The following MTHFD2L variants were observed in gnomAD, a reference collection of about 807,000 sequenced individuals.
MTHFD2L encodes methylenetetrahydrofolate dehydrogenase (NADP+ dependent) 2 like, also known as bifunctional methylenetetrahydrofolate dehydrogenase/cyclohydrolase 2, mitochondrial.
In MTHFD2L, 29 loss-of-function variants were observed where a neutral mutation model predicts 34.9. That is an observed-to-expected ratio of 0.83 (90% CI 0.62 to 1.13). The LOEUF is 1.13. MTHFD2L is among the 50% of genes most tolerant of loss of function. The pLI is 0.00. For synonymous variants in MTHFD2L, 167 were observed against 155.7 expected, an observed-to-expected ratio of 1.07 and a Z score of -0.54; for missense variants, 481 against 446.5, an observed-to-expected ratio of 1.08 and a Z score of -0.70.
chr4:74,233,391 A>T (rs758008973), intron 6 of MTHFD2L, among the ~76,000 whole-genome samples: 1 of 152,126 alleles, frequency 6.6e-6, no homozygotes, highest in African/African-American at 2.4e-5. Context: ...AATCACATCT[A>T]ACTCTCTGGG....
chr4:74,298,039 C>T (rs1311045396), intron 7 of MTHFD2L, among the ~76,000 whole-genome samples: 1 of 151,982 alleles, frequency 6.6e-6, no homozygotes, highest in Non-Finnish European at 1.5e-5. Flanking sequence ...TTCTCAGACA[C>T]AGATACTCAT....
At chr4:74,239,168 A>T (rs1444488717) in intron 6 of MTHFD2L, among the ~76,000 whole-genome samples, 1 of 152,206 alleles carries the variant, frequency 6.6e-6, no homozygotes, top group Admixed American at 6.5e-5. Context: ...GAAAAGGATG[A>T]GTTCATGTCC....
intron 1 of MTHFD2L, among the ~76,000 whole-genome samples, chr4:74,134,469 C>T (rs1322611510): frequency 6.6e-6 from 1 of 152,052 alleles, no homozygotes; most frequent in Non-Finnish European, 1.5e-5. Flanking sequence ...AGGCAGCAAG[C>T]TGGCAGTTAA....
intron 3 of MTHFD2L, chr4:74,195,169 TTGAGA>T: frequency 6.6e-6 from 1 of 152,310 alleles, no homozygotes; most frequent in South Asian, 2.1e-4. Flanking sequence ...TGCTCACAGA[TTGAGA>T]GAAGACGAGA....
chr4:74,261,212 A>G (rs1422825082), intron 6 of MTHFD2L, among the ~76,000 whole-genome samples: 1 of 152,080 alleles, frequency 6.6e-6, no homozygotes, highest in African/African-American at 2.4e-5. Context: ...CTTTGAAGGT[A>G]TGATAGTTTA....
chr4:74,152,216 C>T (rs939146164), intron 1 of MTHFD2L, among the ~76,000 whole-genome samples: 1 of 151,576 alleles, frequency 6.6e-6, no homozygotes, highest in Admixed American at 6.6e-5. Flanking sequence ...AATAAAAATA[C>T]CTGGGAAATT....
intron 6 of MTHFD2L, among the ~76,000 whole-genome samples, chr4:74,232,217 T>C (rs1484150267): frequency 6.6e-6 from 1 of 152,194 alleles, no homozygotes; most frequent in Non-Finnish European, 1.5e-5. Flanking sequence ...GGACCAACTT[T>C]ATGGAAACTT....
At position 74,302,394 on chromosome 4, in the gene MTHFD2L, G is replaced by T. The variant is rs1290401603; in HGVS notation, c.*585G>T. On this transcript the variant is annotated 3_prime_UTR_variant, in exon 8 of 8. Coordinates refer to ENST00000325278, the MANE Select transcript of MTHFD2L (RefSeq NM_001144978.3). ...AATGAGAAATGATGTTCTATTTAAG[G>T]AAAGGAAAATATTCCGGGAAGGCAA... 6.6e-6 allele frequency: 1 copy of T among 151,940 alleles called. No individual in the cohort carries two copies. Among genetic ancestry groups the T allele is most frequent in the South Asian group, 2.1e-4 (1 of 4,816 alleles). 9.4% of individuals were successfully genotyped at this position (151,940 alleles called of 1,614,324 possible).
chr4:74,278,449 A>G (rs16850818), intron 6 of MTHFD2L, among the ~76,000 whole-genome samples: 6,734 of 152,154 alleles, frequency 0.044, 461 homozygotes, highest in African/African-American at 0.15. Flanking sequence ...AATATGGGCT[A>G]TGTAGCTACT....
intron 7 of MTHFD2L, among the ~76,000 whole-genome samples, chr4:74,286,106 G>T (rs568528468): frequency 1.3e-5 from 2 of 151,992 alleles, no homozygotes; most frequent in Non-Finnish European, 2.9e-5. Context: ...GTTTTGTATT[G>T]ATTTCCAGTT....
At chr4:74,243,302 G>C (rs1479666607) in intron 6 of MTHFD2L, among the ~76,000 whole-genome samples, 1 of 152,158 alleles carries the variant, frequency 6.6e-6, no homozygotes, top group East Asian at 1.9e-4. Context: ...TATGTTTCAA[G>C]CTCCCTGAGT....
At chr4:74,174,748 A>G (rs1181691415) in intron 2 of MTHFD2L, 58 bp downstream of exon 2, 3 of 1,163,058 alleles carry the variant, frequency 2.6e-6, no homozygotes, top group African/African-American at 1.6e-5. Flanking sequence ...TTTACTTCAA[A>G]TTGTGATAAT....
At chr4:74,159,964 G>T in intron 1 of MTHFD2L, 1 of 853,536 alleles carries the variant, frequency 1.2e-6, no homozygotes, top group South Asian at 2.2e-5. Flanking sequence ...TTGGCCCCAA[G>T]GTTGAGAAAC....
chr4:74,215,827 G>A (rs1421349249), intron 5 of MTHFD2L, among the ~76,000 whole-genome samples: 1 of 151,708 alleles, frequency 6.6e-6, no homozygotes, highest in African/African-American at 2.4e-5. Flanking sequence ...TATTAGGTCT[G>A]CATAGATACA....
intron 6 of MTHFD2L, among the ~76,000 whole-genome samples, chr4:74,241,241 A>G (rs999662831): frequency 6.6e-6 from 1 of 152,124 alleles, no homozygotes; most frequent in African/African-American, 2.4e-5. Context: ...CTTATTGCTG[A>G]GCTCTTTCCT....
At chr4:74,229,411 C>T (rs767914084) in intron 6 of MTHFD2L, among the ~76,000 whole-genome samples, 2 of 152,018 alleles carry the variant, frequency 1.3e-5, no homozygotes, top group East Asian at 1.9e-4. Context: ...GTAGCCAGAA[C>T]GGGGAGGGCT....
intron 5 of MTHFD2L, among the ~76,000 whole-genome samples, chr4:74,219,367 CTA>C (rs1405610094): frequency 6.6e-6 from 1 of 152,006 alleles, no homozygotes; most frequent in Non-Finnish European, 1.5e-5. Flanking sequence ...CATATGCACT[CTA>C]GAAGGATACA....
At chr4:74,130,005 G>C (rs190531201) in intron 1 of MTHFD2L, among the ~76,000 whole-genome samples, 7 of 151,944 alleles carry the variant, frequency 4.6e-5, no homozygotes, top group Admixed American at 1.3e-4. Context: ...ACAAATTCCT[G>C]GACACATACA....
At chr4:74,188,146 A>G (rs1368435549) in intron 3 of MTHFD2L, among the ~76,000 whole-genome samples, 1 of 152,244 alleles carries the variant, frequency 6.6e-6, no homozygotes, top group Non-Finnish European at 1.5e-5. Context: ...AAATAAAATT[A>G]TATGAAATGA....
Sources: allele counts gnomAD v4.1 joint callset (sites outside exome capture counted in the v4.1 genomes callset), GRCh38; gene constraint gnomAD v4.1.1; transcripts MANE v1.5; gene names NCBI Gene and HGNC (gene_info 2026-07-23, HGNC 2026-07-21).